The following CIROZ variants were observed in gnomAD, a reference collection of about 807,000 sequenced individuals.
CIROZ encodes the protein ciliated left-right organizer protein containing ZP-N domains, also known as ciliated left-right organizer ZP-N domains-containing protein.
At chr1:10,963,886 G>C in the CIROZ span, among the ~76,000 whole-genome samples, 28 of 152,256 alleles carry the variant, frequency 1.8e-4, no homozygotes, top group Admixed American at 1.6e-3. Context: ...CGAGGTCAGA[G>C]AGCTTTAATC....
the CIROZ span, among the ~76,000 whole-genome samples, chr1:10,978,725 G>C: frequency 6.6e-6 from 1 of 151,958 alleles, no homozygotes; most frequent in Non-Finnish European, 1.5e-5. Flanking sequence ...AAAAGAAAGA[G>C]TCCCATGCAA....
the CIROZ span, among the ~76,000 whole-genome samples, chr1:10,975,706 C>T: frequency 3.9e-4 from 60 of 152,130 alleles, no homozygotes; most frequent in African/African-American, 1.1e-3. Context: ...CATCTGTTTG[C>T]GGGGTGGCTA....
At chr1:10,978,674 C>A in the CIROZ span, among the ~76,000 whole-genome samples, 1 of 152,020 alleles carries the variant, frequency 6.6e-6, no homozygotes, top group South Asian at 2.1e-4. Flanking sequence ...TGTCCCACTG[C>A]ACTCCAGCCT....
At chr1:10,947,290 A>C in the CIROZ span, among the ~76,000 whole-genome samples, 1 of 152,200 alleles carries the variant, frequency 6.6e-6, no homozygotes, top group African/African-American at 2.4e-5. Context: ...CAAGCCCAGA[A>C]ACACAGCTGG....
chr1:10,965,478 C>T, the CIROZ span, among the ~76,000 whole-genome samples: 3 of 152,208 alleles, frequency 2.0e-5, no homozygotes, highest in African/African-American at 2.4e-5. Context: ...CATCTCAACA[C>T]ATTGGGACAC....
At chr1:10,948,105 G>A in the CIROZ span, 1 of 1,613,490 alleles carries the variant, frequency 6.2e-7, no homozygotes, top group Non-Finnish European at 8.5e-7. Flanking sequence ...CCAGGCACTG[G>A]GGTCTGGCTG....
chr1:10,969,861 A>G, the CIROZ span: 2 of 1,402,548 alleles, frequency 1.4e-6, no homozygotes, highest in Non-Finnish European at 1.9e-6. Context: ...CAGAGATTTG[A>G]GTGATGCCCA....
chr1:10,972,191 T>C, the CIROZ span, among the ~76,000 whole-genome samples: 1 of 152,326 alleles, frequency 6.6e-6, no homozygotes, highest in African/African-American at 2.4e-5. Context: ...TCCTGTTGGA[T>C]GTAACCTATT....
At chr1:10,956,389 T>C in the CIROZ span, among the ~76,000 whole-genome samples, 1 of 152,032 alleles carries the variant, frequency 6.6e-6, no homozygotes, top group African/African-American at 2.4e-5. Context: ...CTCTCTCCCG[T>C]CTCTGTTCTC....
chr1:10,969,170 A>G, the CIROZ span, among the ~76,000 whole-genome samples: 1 of 152,048 alleles, frequency 6.6e-6, no homozygotes, highest in South Asian at 2.1e-4. Flanking sequence ...CTTGGGTGAG[A>G]TTGGAAAGCC....
At chr1:10,981,472 G>A in the CIROZ span, among the ~76,000 whole-genome samples, 1 of 151,190 alleles carries the variant, frequency 6.6e-6, no homozygotes, top group South Asian at 2.1e-4. Context: ...GAGACAGAGA[G>A]GGAGAGAGAG....
At chr1:10,948,433 T>C in the CIROZ span, 4 of 1,613,454 alleles carry the variant, frequency 2.5e-6, no homozygotes, top group Admixed American at 5.0e-5. Flanking sequence ...ACATCCCCGC[T>C]TGACAAGCCT....
At chr1:10,957,446 C>A in the CIROZ span, 1 of 922,142 alleles carries the variant, frequency 1.1e-6, no homozygotes, top group East Asian at 2.7e-5. Context: ...ATCTGCAGAG[C>A]GGAGCGCTTT....
chr1:10,948,260 T>A, the CIROZ span: 1 of 1,613,810 alleles, frequency 6.2e-7, no homozygotes. Flanking sequence ...CTGTCTGGCG[T>A]GGCCTCTCCA....
At chr1:10,969,648 C>T in the CIROZ span, among the ~76,000 whole-genome samples, 1 of 152,210 alleles carries the variant, frequency 6.6e-6, no homozygotes, top group Non-Finnish European at 1.5e-5. Flanking sequence ...GTTCTTGGTT[C>T]TGAAGATGCA....
At chr1:10,950,417 C>T in the CIROZ span, among the ~76,000 whole-genome samples, 1 of 152,190 alleles carries the variant, frequency 6.6e-6, no homozygotes, top group African/African-American at 2.4e-5. Flanking sequence ...TTCAATGCCA[C>T]CAGATGGTTT....
At chr1:10,952,632 C>T in the CIROZ span, among the ~76,000 whole-genome samples, 6 of 152,264 alleles carry the variant, frequency 3.9e-5, no homozygotes, top group South Asian at 2.1e-4. Flanking sequence ...CAGGTGCAAG[C>T]GATTCTCCTG....
the CIROZ span, among the ~76,000 whole-genome samples, chr1:10,979,278 G>A: frequency 2.6e-5 from 4 of 152,094 alleles, no homozygotes; most frequent in Non-Finnish European, 5.9e-5. Context: ...ACAGGTGTGG[G>A]CCACCGCACC....
At chr1:10,970,200 C>T in the CIROZ span, 2 of 1,090,648 alleles carry the variant, frequency 1.8e-6, no homozygotes, top group South Asian at 1.6e-5. Flanking sequence ...TCCTCTCAGC[C>T]TGGCTTCAAT....
Sources: allele counts gnomAD v4.1 joint callset (sites outside exome capture counted in the v4.1 genomes callset), GRCh38; gene constraint gnomAD v4.1.1; transcripts MANE v1.5; gene names NCBI Gene and HGNC (gene_info 2026-07-23, HGNC 2026-07-21).